The following NUP210L variants were observed in gnomAD, a reference collection of about 807,000 sequenced individuals.
NUP210L encodes the protein nucleoporin 210 like, also known as nuclear pore membrane glycoprotein 210-like.
In NUP210L, 74 loss-of-function variants were observed where a neutral mutation model predicts 208.5. The ratio of observed to expected loss-of-function variants is 0.35; its 90% CI spans 0.29 to 0.43. NUP210L has a LOEUF of 0.43. Among genes scored for constraint, NUP210L ranks in the 20% least tolerant of loss-of-function variants. The pLI is 1.00. For missense variants in NUP210L, 1,843 were observed against 2,289.4 expected (o/e 0.81, Z 3.98); for synonymous variants, 780 against 816.9 (o/e 0.95, Z 0.77).
intron 16 of NUP210L, among the ~76,000 whole-genome samples, chr1:154,086,693 T>A (rs955173488): frequency 5.9e-5 from 9 of 151,832 alleles, no homozygotes; most frequent in Admixed American, 2.6e-4. Context: ...GTGACTGTAG[T>A]CCCAGCCACT....
chr1:154,048,274 G>A (rs1177104367), intron 25 of NUP210L, among the ~76,000 whole-genome samples: 1 of 152,012 alleles, frequency 6.6e-6, no homozygotes. Context: ...TTCAAGTAGC[G>A]CCTCAAGCAA....
chr1:154,120,895 CAAAAAA>C (rs34261242), intron 10 of NUP210L, among the ~76,000 whole-genome samples: 1 of 82,214 alleles, frequency 1.2e-5, no homozygotes, highest in African/African-American at 4.7e-5. Context: ...GACTCTGTCT[CAAAAAA>C]AAAAAAAAAA....
At chr1:154,066,356 T>C (rs1030967322) in intron 17 of NUP210L, among the ~76,000 whole-genome samples, 16 of 152,242 alleles carry the variant, frequency 1.1e-4, no homozygotes, top group African/African-American at 2.9e-4. Flanking sequence ...CTCACGCCTG[T>C]AATCCCAGCA....
chr1:154,002,489 C>T (rs1232020592), intron 35 of NUP210L, among the ~76,000 whole-genome samples: 3 of 151,866 alleles, frequency 2.0e-5, no homozygotes, highest in Non-Finnish European at 4.4e-5. Flanking sequence ...GAGGATTAGC[C>T]GGGTGTGATG....
intron 37 of NUP210L, among the ~76,000 whole-genome samples, chr1:153,999,551 A>G (rs1650086367): frequency 6.6e-6 from 1 of 152,104 alleles, no homozygotes; most frequent in Non-Finnish European, 1.5e-5. Context: ...CAGCCTGGCC[A>G]ACATGGTGAA....
intron 27 of NUP210L, among the ~76,000 whole-genome samples, chr1:154,036,097 ATT>A (rs1209172540): frequency 1.3e-5 from 2 of 151,390 alleles, no homozygotes; most frequent in African/African-American, 2.4e-5. Flanking sequence ...TTCCATTTTC[ATT>A]TGTTTCAAGA....
Position 154,152,733 on chromosome 1 carries a change from T to C in NUP210L, c.340+3A>G. 1 of 1,613,814 alleles carries C rather than the reference T, an allele frequency of 6.2e-7. No individual in the cohort carries two copies. The highest frequency in any genetic ancestry group is 2.2e-5 in the East Asian group (1 of 44,868). Reference sequence around the variant, plus strand: ...ATACATAGTGTTTTTGCTCTCAACATACCTATTTCTCGAGCAAGAATAATA... The same window carrying C: ...ATACATAGTGTTTTTGCTCTCAACACACCTATTTCTCGAGCAAGAATAATA... On this transcript the variant is annotated splice_donor_region_variant and intron_variant, in intron 2 of 39. Transcript: ENST00000368559.
intron 16 of NUP210L, among the ~76,000 whole-genome samples, chr1:154,071,627 CTTTTTTTTTTT>C (rs893742878): frequency 3.0e-5 from 3 of 99,796 alleles, no homozygotes; most frequent in Non-Finnish European, 5.8e-5. Context: ...CAATTCATTC[CTTTTTTTTTTT>C]TTTTTTTTTT....
chr1:154,051,710 C>T (rs1653512005), intron 25 of NUP210L, among the ~76,000 whole-genome samples: 1 of 152,212 alleles, frequency 6.6e-6, no homozygotes, highest in African/African-American at 2.4e-5. Flanking sequence ...ACACATGTTC[C>T]CTCATTTGGG....
At chr1:154,106,834 T>G (rs1384351588) in intron 12 of NUP210L, among the ~76,000 whole-genome samples, 1 of 152,228 alleles carries the variant, frequency 6.6e-6, no homozygotes, top group Non-Finnish European at 1.5e-5. Flanking sequence ...AGATATGTAC[T>G]GCAGTGACCA....
chr1:154,069,888 C>T (rs1031716600), intron 17 of NUP210L, among the ~76,000 whole-genome samples: 1 of 152,128 alleles, frequency 6.6e-6, no homozygotes, highest in Non-Finnish European at 1.5e-5. Context: ...AGGATGAGTT[C>T]GTGTCCTTTG....
In NUP210L at chr1:154,035,458, C is replaced by A. The variant is rs184073898; in HGVS notation, c.3697-5404G>T. 1.9e-3 allele frequency among the ~76,000 whole-genome samples: 288 copies of A among 150,758 alleles called. 1 individual carries two copies. Among genetic ancestry groups the A allele is most frequent in the African/African-American group, 6.8e-3 (279 of 41,034 alleles). ...TGCTGCCCAGGCTGGAGTGCAATGG[C>A]GCGATCTTGGATCACTGCAACCTCC... On this transcript the variant is annotated intron_variant, in intron 27 of 39. Coordinates refer to ENST00000368559, the Ensembl canonical transcript of NUP210L.
chr1:154,089,741 G>T (rs973044823), intron 15 of NUP210L, 147 bp from the exon 16 acceptor site: 1 of 645,656 alleles, frequency 1.5e-6, no homozygotes, highest in Non-Finnish European at 2.7e-6. Context: ...AGACATTATA[G>T]TTCTTAATTA....
chr1:154,065,063 G>A (rs1221299772), intron 17 of NUP210L, among the ~76,000 whole-genome samples: 3 of 147,690 alleles, frequency 2.0e-5, no homozygotes, highest in African/African-American at 5.0e-5. Context: ...GAGACAGAGC[G>A]AGATTCCATC....
At chr1:154,083,128 G>A (rs866411214) in intron 16 of NUP210L, among the ~76,000 whole-genome samples, 2 of 152,154 alleles carry the variant, frequency 1.3e-5, no homozygotes. Flanking sequence ...AACCGAGCAG[G>A]TTGCCACTGT....
chr1:154,049,087 A>C (rs1310771948), intron 25 of NUP210L, among the ~76,000 whole-genome samples: 3 of 152,200 alleles, frequency 2.0e-5, no homozygotes, highest in Non-Finnish European at 4.4e-5. Context: ...ACAGGAGTGG[A>C]CATTTCAATC....
rs900164417 is a variant in NUP210L, at chr1:154,025,855, T to C, written c.3948-139A>G. The C allele has an allele frequency of 1.9e-5, 12 of 629,518 alleles. No individual in the cohort carries two copies. The Admixed American group carries it at 2.4e-4, about 13-fold the overall frequency. 39.0% of individuals were successfully genotyped at this position (629,518 alleles called of 1,614,324 possible). A position where few individuals can be genotyped will look rare whatever the true frequency, so the allele number is the denominator to read the frequency against. ...CATTCTCCACGTGTGTAATTATTTG[T>C]TCCTCAGGTAAAAGTCTGCCTTTGG... On this transcript the variant is annotated intron_variant, in intron 29 of 39. Coordinates refer to ENST00000368559, the Ensembl canonical transcript of NUP210L.
chr1:154,057,690 ATGTGTG>A (rs4060104), intron 22 of NUP210L, among the ~76,000 whole-genome samples: 3,121 of 125,464 alleles, frequency 0.025, 89 homozygotes, highest in African/African-American at 0.076. Context: ...AGGACCTCGA[ATGTGTG>A]TGTGTGTGTG....
At chr1:154,115,091 C>T (rs1205970855) in intron 12 of NUP210L, among the ~76,000 whole-genome samples, 1 of 152,190 alleles carries the variant, frequency 6.6e-6, no homozygotes, top group Non-Finnish European at 1.5e-5. Flanking sequence ...TTTTTGCCTT[C>T]ACTTTCTCCC....
Sources: gnomAD v4.1 joint callset for allele counts (sites outside exome capture counted in the v4.1 genomes callset) on GRCh38, gnomAD v4.1.1 for gene constraint, MANE v1.5 for transcripts, NCBI Gene and HGNC (gene_info 2026-07-23, HGNC 2026-07-21) for gene names.